Variants in FCRL2 observed in about 807,000 individuals in gnomAD.
FCRL2 encodes the protein Fc receptor-like protein 2.
In FCRL2, 48 loss-of-function variants were observed where a neutral mutation model predicts 59.8. That is an observed-to-expected ratio of 0.80 (90% confidence interval 0.64 to 1.02). The LOEUF (loss-of-function observed/expected upper bound fraction) is 1.02, where lower values mean the gene tolerates loss of function less well. FCRL2 is among the 50% of genes least tolerant of loss of function. FCRL2 has a pLI of 0.00. For missense variants in FCRL2, 658 were observed against 597.3 expected, an observed-to-expected ratio of 1.10 and a Z score of -1.06; for synonymous variants, 251 against 229.5, an observed-to-expected ratio of 1.09 and a Z score of -0.85.
At position 157,746,683 on chromosome 1, in the gene FCRL2, C is replaced by A; in HGVS notation, c.*53G>T. ...ATTTTCATAAGGTTTTATAGCAAGT[C>A]TTAATGATGCCCCATCCTTGCTGTT... is the stretch of plus-strand genomic sequence containing the variant. On this transcript the variant is annotated 3_prime_UTR_variant, in exon 12 of 12. Transcript: ENST00000361516. The A allele has an allele frequency of 6.4e-7, 1 of 1,571,714 alleles. No homozygotes were observed. Among genetic ancestry groups the A allele is most frequent in the South Asian group, 1.1e-5 (1 of 90,068 alleles).
At chr1:157,771,417 T>C (rs764936981) in intron 2 of FCRL2, among the ~76,000 whole-genome samples, 3 of 152,182 alleles carry the variant, frequency 2.0e-5, no homozygotes, top group Non-Finnish European at 4.4e-5. Flanking sequence ...GATAAAACCA[T>C]CAAGTGGCGT....
At chr1:157,768,760 G>T in intron 4 of FCRL2, 59 bp from the exon 5 acceptor site, 1 of 1,467,994 alleles carries the variant, frequency 6.8e-7, no homozygotes, top group South Asian at 1.3e-5. Flanking sequence ...AACAGGGTTT[G>T]ACTGATTCCA....
At chr1:157,750,616 G>A (rs1023537105) in intron 7 of FCRL2, among the ~76,000 whole-genome samples, 2 of 152,198 alleles carry the variant, frequency 1.3e-5, no homozygotes, top group South Asian at 4.1e-4. Context: ...ACAGAAAACA[G>A]TGCTAGAAAA....
Position 157,766,772 on chromosome 1 carries a change from C to T in FCRL2, c.1279+83G>A, listed in dbSNP as rs368656612. ...TGGCTTTTGGAGAGTTTTCTTTTCT[C>T]TCTTCTTTTTTTGTAATTTCAATCT... On this transcript the variant is annotated intron_variant, in intron 7 of 11. Transcript: ENST00000361516. 7.6e-5 allele frequency: 120 copies of T among 1,574,886 alleles called. No individual in the cohort carries two copies. The East Asian group carries it at 2.2e-3, about 29-fold the overall frequency.
chr1:157,766,149 A>C (rs772698965), intron 7 of FCRL2, among the ~76,000 whole-genome samples: 5 of 152,340 alleles, frequency 3.3e-5, no homozygotes, highest in Non-Finnish European at 7.4e-5. Context: ...GAAATGGATA[A>C]ATAAAAAGAA....
chr1:157,768,833 T>C (rs1393765930), intron 4 of FCRL2, 132 bp from the exon 5 acceptor site: 16 of 883,368 alleles, frequency 1.8e-5, no homozygotes, highest in African/African-American at 3.4e-5. Flanking sequence ...AGCATTCCTA[T>C]GGAGGTAGGG....
intron 2 of FCRL2, among the ~76,000 whole-genome samples, chr1:157,770,904 T>C (rs1258987937): frequency 6.6e-6 from 1 of 152,210 alleles, no homozygotes; most frequent in Non-Finnish European, 1.5e-5. Context: ...GATTTATTTC[T>C]CACAATTCTG....
In FCRL2 at chr1:157,746,024, A is replaced by G. The variant is rs1647716072; in HGVS notation, c.*712T>C. ...AATTCCTGGAAACACACAATCTCCC[A>G]AGATTGAACCAGGAAGAGACAGAAA... On this transcript the variant is annotated 3_prime_UTR_variant, in exon 12 of 12. Coordinates refer to ENST00000361516, the MANE Select transcript of FCRL2 (RefSeq NM_030764.4). 6.6e-6 allele frequency: 1 copy of G among 152,232 alleles called. No individual in the cohort carries two copies. The highest frequency in any genetic ancestry group is 6.5e-5 in the Admixed American group (1 of 15,282). The allele number at this position is 152,232 out of a possible 1,614,324, so 9.4% of individuals were successfully genotyped here. A position where few individuals can be genotyped will look rare whatever the true frequency, so the allele number is the denominator to read the frequency against.
intron 7 of FCRL2, among the ~76,000 whole-genome samples, chr1:157,761,844 A>T (rs925935385): frequency 6.6e-6 from 1 of 152,188 alleles, no homozygotes; most frequent in African/African-American, 2.4e-5. Flanking sequence ...ACGGCAGCTT[A>T]AGGAATATGT....
intron 7 of FCRL2, among the ~76,000 whole-genome samples, chr1:157,751,078 A>T (rs569154131): frequency 6.6e-6 from 1 of 152,204 alleles, no homozygotes; most frequent in East Asian, 1.9e-4. Context: ...AATATATAAG[A>T]AAAAAAGGAA....
intron 10 of FCRL2, 84 bp downstream of exon 10, chr1:157,748,469 T>C: frequency 1.6e-6 from 1 of 620,136 alleles, no homozygotes. Context: ...AATAAATAAA[T>C]AAATAAATAA....
chr1:157,770,593 C>G lies in FCRL2; in HGVS notation c.126G>C (p.Gln42His), dbSNP rs763700453. ...AAGCCATCTTCTGAATTTTCCAGTT[C>G]TGTTCTCCCTGGCATTTCAGAACGA... is the stretch of plus-strand genomic sequence containing the variant. ...DSIVLKCQGE[Q>H]NWKIQKMAYH... The change falls in exon 3 of 12, where the codon CAG (glutamine) becomes CAC (histidine). Residue 42 changes from glutamine (Q) to histidine (H), a missense_variant. Gln to His is a conservative substitution (Grantham distance 24). Coordinates refer to ENST00000361516, the MANE Select transcript of FCRL2 (RefSeq NM_030764.4). 1 of 1,614,056 alleles carries G rather than the reference C, an allele frequency of 6.2e-7. No individual in the cohort carries two copies. Among genetic ancestry groups the G allele is most frequent in the African/African-American group, 1.3e-5 (1 of 74,930 alleles).
chr1:157,751,301 T>G (rs1648166112), intron 7 of FCRL2, among the ~76,000 whole-genome samples: 1 of 152,188 alleles, frequency 6.6e-6, no homozygotes, highest in South Asian at 2.1e-4. Context: ...GATAGACATT[T>G]CTGGGTTGTA....
At chr1:157,765,976 A>G (rs899942174) in intron 7 of FCRL2, among the ~76,000 whole-genome samples, 4 of 152,174 alleles carry the variant, frequency 2.6e-5, no homozygotes, top group African/African-American at 9.7e-5. Flanking sequence ...GGCCATGTTG[A>G]GAGGCTGCGT....
chr1:157,760,694 A>AG (rs1324917759), intron 7 of FCRL2, among the ~76,000 whole-genome samples: 1 of 113,680 alleles, frequency 8.8e-6, no homozygotes, highest in African/African-American at 3.9e-5. Context: ...AAAGAAAGAA[A>AG]GAAGGAAAGA....
chr1:157,753,924 C>A (rs186338115), intron 7 of FCRL2, among the ~76,000 whole-genome samples: 1 of 152,186 alleles, frequency 6.6e-6, no homozygotes, highest in African/African-American at 2.4e-5. Context: ...TAAATAATTT[C>A]TTCTTATATC....
intron 7 of FCRL2, among the ~76,000 whole-genome samples, chr1:157,760,720 A>AAAGAAAGAAAG (rs1649000622): frequency 1.3e-5 from 2 of 148,710 alleles, no homozygotes; most frequent in African/African-American, 5.0e-5. Flanking sequence ...AGAAAGAAAG[A>AAAGAAAGAAAG]AAGAAAGAAA....
intron 10 of FCRL2, among the ~76,000 whole-genome samples, chr1:157,747,479 A>G (rs1448387590): frequency 6.6e-6 from 1 of 152,156 alleles, no homozygotes; most frequent in African/African-American, 2.4e-5. Context: ...TAGGCTGGTC[A>G]GATAGAGAAA....
chr1:157,762,165 C>A (rs1336703682), intron 7 of FCRL2, among the ~76,000 whole-genome samples: 1 of 152,174 alleles, frequency 6.6e-6, no homozygotes, highest in African/African-American at 2.4e-5. Context: ...TCCAGGGGAC[C>A]TGAGGTTGGG....
Sources: allele counts gnomAD v4.1 joint callset (sites outside exome capture counted in the v4.1 genomes callset), GRCh38; gene constraint gnomAD v4.1.1; transcripts MANE v1.5; gene names NCBI Gene and HGNC (gene_info 2026-07-23, HGNC 2026-07-21).